PRKAG2: variants seen among roughly 807,000 people sequenced by gnomAD.
PRKAG2 encodes the protein protein kinase AMP-activated non-catalytic subunit gamma 2, also known as 5'-AMP-activated protein kinase subunit gamma-2.
PRKAG2 carries 26 observed loss-of-function variants against 69.6 expected under a neutral mutation model. That is an observed-to-expected ratio of 0.37 (90% CI 0.27 to 0.52). The LOEUF is 0.52. Ranked by LOEUF, PRKAG2 falls within the 20% of genes least tolerant of loss-of-function variation. The pLI is 0.90. For missense variants in PRKAG2, 557 were observed against 740.0 expected (o/e 0.75, Z 2.87); for synonymous variants, 293 against 285.0 (o/e 1.03, Z -0.28).
At chr7:151,631,949 G>T in intron 5 of PRKAG2, 120 bp downstream of exon 5, 6 of 1,009,246 alleles carry the variant, frequency 5.9e-6, no homozygotes, top group Non-Finnish European at 7.5e-6. Context: ...CTGGGCTTCC[G>T]CAGGACGCAG....
chr7:151,688,051 C>CCCCCCT lies in PRKAG2; in HGVS notation c.467-12415_467-12414insAGGGGG, dbSNP rs1554539800. On this transcript the variant is annotated intron_variant, in intron 3 of 15. Transcript: ENST00000287878. ...AGGAGGAGGAAATGAGGCCCCCCCC[C>CCCCCCT]GGGCTCCTTGCTGAGTCAGCATGGT... is the stretch of plus-strand genomic sequence containing the variant. Among the ~76,000 whole-genome samples the CCCCCCT allele has an allele frequency of 7.1e-4, 103 of 145,822 alleles. 9 individuals are homozygous for CCCCCCT. The highest frequency in any genetic ancestry group is 2.5e-3 in the African/African-American group (99 of 39,686).
chr7:151,731,770 G>T (rs1213970304), intron 3 of PRKAG2, among the ~76,000 whole-genome samples: 3 of 152,170 alleles, frequency 2.0e-5, no homozygotes, highest in Admixed American at 2.0e-4. Flanking sequence ...GAGGAGGGAG[G>T]AGAAGTCAAT....
At chr7:151,564,246 A>C (rs1805719546) in intron 13 of PRKAG2, 22 bp from the exon 14 acceptor site, 1 of 1,613,526 alleles carries the variant, frequency 6.2e-7, no homozygotes, top group Non-Finnish European at 8.5e-7. Flanking sequence ...CAAGAGAATA[A>C]ATTATATCCT....
chr7:151,708,265 T>C (rs1838959099), intron 3 of PRKAG2, among the ~76,000 whole-genome samples: 2 of 152,172 alleles, frequency 1.3e-5, no homozygotes, highest in African/African-American at 4.8e-5. Context: ...ATTTCTTTTT[T>C]GGCTTACTAG....
At chr7:151,700,329 T>C (rs1362162077) in intron 3 of PRKAG2, among the ~76,000 whole-genome samples, 1 of 152,074 alleles carries the variant, frequency 6.6e-6, no homozygotes, top group African/African-American at 2.4e-5. Flanking sequence ...TGGAGTATGG[T>C]CTGAGGACCA....
intron 3 of PRKAG2, among the ~76,000 whole-genome samples, chr7:151,708,121 C>T (rs1838934379): frequency 6.6e-6 from 1 of 152,224 alleles, no homozygotes; most frequent in Admixed American, 6.5e-5. Context: ...GGGGCTTGCC[C>T]AGCAACATTT....
intron 1 of PRKAG2, among the ~76,000 whole-genome samples, chr7:151,821,328 G>A (rs2078773757): frequency 6.6e-6 from 1 of 152,186 alleles, no homozygotes; most frequent in Non-Finnish European, 1.5e-5. Flanking sequence ...GGCTCTAGAA[G>A]GCTGTGGAAG....
chr7:151,706,023 A>G (rs139583299), intron 3 of PRKAG2, among the ~76,000 whole-genome samples: 157 of 152,322 alleles, frequency 1.0e-3, no homozygotes, highest in African/African-American at 3.7e-3. Context: ...TTAAGATGAA[A>G]CGACAGGTAT....
chr7:151,566,015 C>A, intron 11 of PRKAG2, 130 bp from the exon 12 acceptor site: 1 of 994,146 alleles, frequency 1.0e-6, no homozygotes, highest in Admixed American at 2.0e-5. Flanking sequence ...TACCTGGATG[C>A]CTGAATTAAC....
Position 151,572,649 on chromosome 7 carries a change from TC to T in PRKAG2, c.1051+14del. The T allele has an allele frequency of 6.3e-7, 1 of 1,585,952 alleles. No homozygotes were observed. The highest frequency in any genetic ancestry group is 8.6e-7 in the Non-Finnish European group (1 of 1,156,984). On this transcript the variant is annotated intron_variant, in intron 9 of 15. Coordinates refer to ENST00000287878, the MANE Select transcript of PRKAG2 (RefSeq NM_016203.4). ...TCCCGATACTAAAAGATTTTAAACA[TC>T]CAATAGTGCTTACCCCTCCATGTTT...
chr7:151,689,968 T>C (rs888715568), intron 3 of PRKAG2, among the ~76,000 whole-genome samples: 1 of 151,932 alleles, frequency 6.6e-6, no homozygotes, highest in African/African-American at 2.4e-5. Context: ...TTGGTACGAT[T>C]CTCCACGGAG....
At position 151,781,282 on chromosome 7, in the gene PRKAG2, C is replaced by T; in HGVS notation, c.336G>A (p.Glu112=). 6.2e-7 allele frequency: 1 copy of T among 1,614,110 alleles called. No homozygotes were observed. The highest frequency in any genetic ancestry group is 8.5e-7 in the Non-Finnish European group (1 of 1,180,044). Reference sequence around the variant, plus strand: ...TGCGTCGAGGGGAGCGTGGCGGGGACTCCTGGTAGGAGAACGGGAACACGG... The same window carrying T: ...TGCGTCGAGGGGAGCGTGGCGGGGATTCCTGGTAGGAGAACGGGAACACGG... The part of the protein sequence containing the change: ...PKTVFPFSYQ[E]SPPRSPRRMS... Residue 112 remains glutamate (E), a synonymous_variant, in exon 3 of 16, where the codon GAG becomes GAA. Coordinates refer to ENST00000287878, the MANE Select transcript of PRKAG2 (RefSeq NM_016203.4). This position sits in a 1 kb window ranked among gnomAD's most constrained non-coding sequence, Gnocchi z 6.1.
intron 3 of PRKAG2, among the ~76,000 whole-genome samples, chr7:151,760,299 G>A (rs1464254727): frequency 2.0e-5 from 3 of 152,266 alleles, no homozygotes; most frequent in Non-Finnish European, 4.4e-5. Context: ...TGCAATGGCA[G>A]GATCTCGGCT....
At chr7:151,659,284 C>A (rs1235354258) in intron 4 of PRKAG2, among the ~76,000 whole-genome samples, 2 of 152,174 alleles carry the variant, frequency 1.3e-5, no homozygotes, top group Non-Finnish European at 2.9e-5. Context: ...TCCTGCTCTA[C>A]TGCTCTTTTT....
chr7:151,854,974 ACACAC>A (rs2079672518), intron 1 of PRKAG2, among the ~76,000 whole-genome samples: 1 of 32,036 alleles, frequency 3.1e-5, no homozygotes, highest in Non-Finnish European at 7.0e-5. Flanking sequence ...CACCCTCCAC[ACACAC>A]CATGCTCCAC....
intron 3 of PRKAG2, among the ~76,000 whole-genome samples, chr7:151,732,300 G>A (rs1799078918): frequency 6.6e-6 from 1 of 151,904 alleles, no homozygotes; most frequent in South Asian, 2.1e-4. Flanking sequence ...CACCACGCCT[G>A]GCTAATTGTT....
chr7:151,827,265 G>A (rs2078922826), intron 1 of PRKAG2, among the ~76,000 whole-genome samples: 2 of 152,168 alleles, frequency 1.3e-5, no homozygotes, highest in South Asian at 4.2e-4. Context: ...TTGAGACAGG[G>A]TCTCACTCTG....
Position 151,556,446 on chromosome 7 carries a change from A to C in PRKAG2, c.*755T>G, listed in dbSNP as rs1228443033. 6.5e-6 allele frequency: 1 copy of C among 152,684 alleles called. No homozygotes were observed. Among genetic ancestry groups the C allele is most frequent in the Non-Finnish European group, 1.5e-5 (1 of 68,060 alleles). The allele number at this position is 152,684 out of a possible 1,614,324, so 9.5% of individuals were successfully genotyped here. A position where few individuals can be genotyped will look rare whatever the true frequency, so the allele number is the denominator to read the frequency against. On this transcript the variant is annotated 3_prime_UTR_variant, in exon 16 of 16. Transcript: ENST00000287878. ...ACACTTTGAGAGACCTCAGCTTTTA[A>C]AACCCAGCAGCGGCTATTTCAGAAG...
At chr7:151,846,477 A>T (rs1431866610) in intron 1 of PRKAG2, among the ~76,000 whole-genome samples, 1 of 152,226 alleles carries the variant, frequency 6.6e-6, no homozygotes, top group African/African-American at 2.4e-5. Context: ...AAATTTAAAA[A>T]TAAAAAAATA....
Sources: allele counts gnomAD v4.1 joint callset (sites outside exome capture counted in the v4.1 genomes callset), GRCh38; gene constraint gnomAD v4.1.1; non-coding constraint Gnocchi (gnomAD v3.1); transcripts MANE v1.5; gene names NCBI Gene and HGNC (gene_info 2026-07-23, HGNC 2026-07-21).